UGT8: variants seen among roughly 807,000 people sequenced by gnomAD.
UGT8 encodes the protein 2-hydroxyacylsphingosine 1-beta-galactosyltransferase.
Under a neutral mutation model 40.5 loss-of-function variants are expected in UGT8, and 12 were observed. That is an observed-to-expected ratio of 0.30 (90% CI 0.19 to 0.48). The LOEUF (loss-of-function observed/expected upper bound fraction) is 0.48, where lower values mean the gene tolerates loss of function less well. UGT8 is among the 20% of genes least tolerant of loss of function. The pLI is 0.99. For synonymous variants in UGT8, 224 were observed against 240.4 expected (o/e 0.93, Z 0.63); for missense variants, 513 against 648.7 (o/e 0.79, Z 2.27).
At chr4:114,641,513 C>T (rs995793374) in intron 2 of UGT8, among the ~76,000 whole-genome samples, 1 of 152,100 alleles carries the variant, frequency 6.6e-6, no homozygotes, top group Non-Finnish European at 1.5e-5. Context: ...TTTTAAAAAA[C>T]TGTGGCGTCT....
chr4:114,632,000 A>G (rs909579455), intron 2 of UGT8, among the ~76,000 whole-genome samples: 8 of 152,340 alleles, frequency 5.3e-5, no homozygotes, highest in Non-Finnish European at 8.8e-5. Context: ...ATAGATCTAA[A>G]TAGAGTGGCC....
At chr4:114,602,941 G>C (rs948595672) in intron 1 of UGT8, among the ~76,000 whole-genome samples, 1 of 152,204 alleles carries the variant, frequency 6.6e-6, no homozygotes, top group Non-Finnish European at 1.5e-5. Context: ...AAGCAATCTA[G>C]AAGGATGGAT....
intron 2 of UGT8, among the ~76,000 whole-genome samples, chr4:114,636,903 A>G (rs1289647686): frequency 6.6e-6 from 1 of 152,176 alleles, no homozygotes; most frequent in Non-Finnish European, 1.5e-5. Flanking sequence ...TCTAAACCTC[A>G]GATACACTTA....
intron 1 of UGT8, among the ~76,000 whole-genome samples, chr4:114,609,592 T>G (rs948084992): frequency 2.0e-5 from 3 of 152,104 alleles, no homozygotes; most frequent in African/African-American, 7.2e-5. Flanking sequence ...AGAGGAGGGA[T>G]CCTAGTGATT....
intron 1 of UGT8, among the ~76,000 whole-genome samples, chr4:114,617,633 G>T (rs936842409): frequency 5.9e-5 from 9 of 152,168 alleles, no homozygotes; most frequent in African/African-American, 1.9e-4. Context: ...AGCCAAAAGA[G>T]AATTTAGAGA....
chr4:114,615,048 T>A (rs981806893), intron 1 of UGT8, among the ~76,000 whole-genome samples: 1 of 152,184 alleles, frequency 6.6e-6, no homozygotes, highest in Non-Finnish European at 1.5e-5. Flanking sequence ...GAAAGATACA[T>A]GTTTAAAACG....
chr4:114,658,987 G>A (rs1306116485), intron 2 of UGT8, among the ~76,000 whole-genome samples: 4 of 151,994 alleles, frequency 2.6e-5, no homozygotes, highest in Admixed American at 2.0e-4. Flanking sequence ...CTGCTTTACC[G>A]GCTTAAGCTG....
In UGT8 at chr4:114,623,597, G is replaced by A; in HGVS notation, c.717G>A (p.Leu239=). The A allele has an allele frequency of 6.2e-7, 1 of 1,614,170 alleles. No homozygotes were observed. Among genetic ancestry groups the A allele is most frequent in the Non-Finnish European group, 8.5e-7 (1 of 1,180,022 alleles). The stretch of plus-strand genomic sequence containing the variant: ...ATGATTTGGTTCATGGGTCCAGCCT[G>A]TGGATGCTGTGTACTGACGTAGCAC... ...SMYDLVHGSS[L]WMLCTDVALE... The change falls in exon 2 of 6, where the codon CTG becomes CTA. Residue 239 remains leucine, a synonymous_variant. Coordinates refer to ENST00000310836, the MANE Select transcript of UGT8 (RefSeq NM_001128174.3).
chr4:114,666,780 G>A lies in UGT8; in HGVS notation c.1042+1024G>A, dbSNP rs144592130. Among the ~76,000 whole-genome samples the A allele has an allele frequency of 5.2e-3, 784 of 152,082 alleles. 2 individuals carry two copies. Among genetic ancestry groups the A allele is most frequent in the Non-Finnish European group, 8.6e-3 (585 of 67,938 alleles). On this transcript the variant is annotated intron_variant, in intron 4 of 5. Transcript: ENST00000310836. Reference sequence around the variant, plus strand: ...AGGCTCTACTGCAAGGTCCATGCCTGAAAACTCTCCTCAAGTCCATAGCTG... The same window carrying A: ...AGGCTCTACTGCAAGGTCCATGCCTAAAAACTCTCCTCAAGTCCATAGCTG...
At chr4:114,619,678 A>G (rs1187401995) in intron 1 of UGT8, among the ~76,000 whole-genome samples, 8 of 151,976 alleles carry the variant, frequency 5.3e-5, no homozygotes, top group Admixed American at 5.2e-4. Context: ...TGGCTGCATT[A>G]TATGAATGAA....
intron 2 of UGT8, among the ~76,000 whole-genome samples, chr4:114,635,970 C>A (rs996054326): frequency 6.6e-6 from 1 of 152,056 alleles, no homozygotes; most frequent in African/African-American, 2.4e-5. Context: ...CAAAAAAGCT[C>A]ATTTTTCAGA....
Position 114,676,985 on chromosome 4 carries a change from T to C in UGT8, c.*697T>C, listed in dbSNP as rs1735698646. On this transcript the variant is annotated 3_prime_UTR_variant, in exon 6 of 6. Coordinates refer to ENST00000310836, the MANE Select transcript of UGT8 (RefSeq NM_001128174.3). ...CCACTTCTGGGGGAAAAACATGTAATTAAGTAAATGTATACATTGGTTTTC... is the reference window on the plus strand; with the variant it reads ...CCACTTCTGGGGGAAAAACATGTAACTAAGTAAATGTATACATTGGTTTTC... 6.6e-6 allele frequency: 1 copy of C among 152,076 alleles called. No individual in the cohort carries two copies. Among genetic ancestry groups the C allele is most frequent in the South Asian group, 2.1e-4 (1 of 4,836 alleles). 9.4% of individuals were successfully genotyped at this position (152,076 alleles called of 1,614,324 possible).
chr4:114,605,873 ATC>A (rs1486549875), intron 1 of UGT8, among the ~76,000 whole-genome samples: 1 of 152,156 alleles, frequency 6.6e-6, no homozygotes, highest in Non-Finnish European at 1.5e-5. Flanking sequence ...TGTTATGTTA[ATC>A]TTTATATTTT....
At chr4:114,646,398 C>T (rs928413372) in intron 2 of UGT8, among the ~76,000 whole-genome samples, 4 of 151,340 alleles carry the variant, frequency 2.6e-5, no homozygotes, top group Non-Finnish European at 5.9e-5. Context: ...TATATATATG[C>T]ATAATAAAAC....
At chr4:114,665,907 A>C in intron 4 of UGT8, 151 bp downstream of exon 4, 3 of 527,152 alleles carry the variant, frequency 5.7e-6, no homozygotes, top group Non-Finnish European at 6.0e-6. Context: ...CCAGTATCTC[A>C]AATCTTAAAT....
At chr4:114,604,926 A>G (rs1259496714) in intron 1 of UGT8, among the ~76,000 whole-genome samples, 2 of 150,448 alleles carry the variant, frequency 1.3e-5, no homozygotes, top group East Asian at 1.9e-4. Flanking sequence ...TTTTTTTCCC[A>G]CTGTGCTTAG....
intron 2 of UGT8, among the ~76,000 whole-genome samples, chr4:114,648,115 G>T (rs1274177815): frequency 6.6e-6 from 1 of 152,098 alleles, no homozygotes; most frequent in Non-Finnish European, 1.5e-5. Context: ...TATAATAAAA[G>T]ATTCCTTGTT....
intron 2 of UGT8, among the ~76,000 whole-genome samples, chr4:114,639,265 C>A (rs1733069903): frequency 6.6e-6 from 1 of 152,178 alleles, no homozygotes; most frequent in Non-Finnish European, 1.5e-5. Flanking sequence ...ATTCTCTCAG[C>A]AAATATATAT....
chr4:114,665,633 AG>A (rs1398913140), intron 3 of UGT8, 46 bp from the exon 4 acceptor site: 5 of 1,512,676 alleles, frequency 3.3e-6, no homozygotes, highest in Admixed American at 2.1e-5. Flanking sequence ...CCATACTATG[AG>A]TAAGGTTTGA....
Sources: gnomAD v4.1 joint callset for allele counts (sites outside exome capture counted in the v4.1 genomes callset) on GRCh38, gnomAD v4.1.1 for gene constraint, MANE v1.5 for transcripts, NCBI Gene and HGNC (gene_info 2026-07-23, HGNC 2026-07-21) for gene names.